PPP3CA: variants seen among roughly 807,000 people sequenced by gnomAD.
The protein encoded by PPP3CA is CAM-PRP catalytic subunit.
A neutral mutation model predicts 66.5 loss-of-function variants in PPP3CA; 14 were observed. The ratio of observed to expected loss-of-function variants is 0.21; its 90% CI spans 0.14 to 0.33. PPP3CA has a LOEUF of 0.33. Ranked by LOEUF, PPP3CA falls within the 10% of genes least tolerant of loss-of-function variation. PPP3CA has a pLI of 1.00. For synonymous variants in PPP3CA, 232 were observed against 226.2 expected (o/e 1.03, Z -0.23); for missense variants, 317 against 639.5 (o/e 0.50, Z 5.44).
chr4:101,097,729 T>C (rs1730261593), intron 5 of PPP3CA, among the ~76,000 whole-genome samples: 1 of 152,182 alleles, frequency 6.6e-6, no homozygotes, highest in South Asian at 2.1e-4. Flanking sequence ...TTACTAGATT[T>C]ACTCAAGAAA....
intron 2 of PPP3CA, among the ~76,000 whole-genome samples, chr4:101,156,807 A>T (rs972069741): frequency 7.2e-5 from 11 of 152,256 alleles, no homozygotes; most frequent in African/African-American, 2.4e-4. Context: ...GCCTGAAACC[A>T]GTTTCATGAA....
chr4:101,117,614 T>C (rs1235306413), intron 2 of PPP3CA, among the ~76,000 whole-genome samples: 1 of 151,812 alleles, frequency 6.6e-6, no homozygotes, highest in African/African-American at 2.4e-5. Flanking sequence ...CATAGCATTA[T>C]ATAAATTATA....
At chr4:101,027,716 TTTAA>T (rs1578384283) in intron 13 of PPP3CA, among the ~76,000 whole-genome samples, 2 of 151,972 alleles carry the variant, frequency 1.3e-5, no homozygotes, top group East Asian at 1.9e-4. Context: ...TATGAAATGA[TTTAA>T]TTAATTTAAA....
intron 2 of PPP3CA, among the ~76,000 whole-genome samples, chr4:101,168,875 T>C (rs1723780885): frequency 6.6e-6 from 1 of 152,176 alleles, no homozygotes; most frequent in East Asian, 1.9e-4. Flanking sequence ...TGTATCTGCT[T>C]ACACATATGA....
chr4:101,084,036 A>C (rs1460610563), intron 6 of PPP3CA, among the ~76,000 whole-genome samples: 3 of 152,230 alleles, frequency 2.0e-5, no homozygotes, highest in Non-Finnish European at 4.4e-5. Flanking sequence ...ATCATAAATT[A>C]AACCTGAAAA....
chr4:101,199,761 C>T (rs1169833221), intron 1 of PPP3CA, among the ~76,000 whole-genome samples: 1 of 152,142 alleles, frequency 6.6e-6, no homozygotes, highest in Non-Finnish European at 1.5e-5. Flanking sequence ...TTTCAAGGGT[C>T]AATGACATGA....
chr4:101,197,703 T>C (rs1374815748), intron 1 of PPP3CA, among the ~76,000 whole-genome samples: 1 of 152,204 alleles, frequency 6.6e-6, no homozygotes, highest in Non-Finnish European at 1.5e-5. Flanking sequence ...ACGATAAAAC[T>C]GTAAGATGAG....
chr4:101,296,989 A>G (rs1306272328), intron 1 of PPP3CA, among the ~76,000 whole-genome samples: 1 of 152,208 alleles, frequency 6.6e-6, no homozygotes, highest in East Asian at 1.9e-4. Context: ...GGTTTCTTTT[A>G]AAAAGTTTTA....
intron 10 of PPP3CA, among the ~76,000 whole-genome samples, chr4:101,046,034 A>G (rs1048344166): frequency 2.6e-5 from 4 of 152,304 alleles, no homozygotes; most frequent in African/African-American, 9.6e-5. Context: ...TGGGGAGAGA[A>G]GTCTCTATGT....
In PPP3CA at chr4:101,071,325, C is replaced by T. The variant is rs79906118; in HGVS notation, c.956-7968G>A. The stretch of plus-strand genomic sequence containing the variant: ...GCACTGAGTTAGTTTTAAGTTCCTA[C>T]ACTTCATATCAACATTGTTTTCCAT... On this transcript the variant is annotated intron_variant, in intron 8 of 13. Coordinates refer to ENST00000394854, the MANE Select transcript of PPP3CA (RefSeq NM_000944.5). Among the ~76,000 whole-genome samples the T allele has an allele frequency of 1.2e-3, 181 of 152,322 alleles. 3 individuals are homozygous for T. In the East Asian group the frequency reaches 0.015, roughly 13 times the overall value.
chr4:101,068,029 T>C (rs762114653), intron 8 of PPP3CA, among the ~76,000 whole-genome samples: 2 of 152,130 alleles, frequency 1.3e-5, no homozygotes, highest in Non-Finnish European at 2.9e-5. Context: ...CCACTAGTCC[T>C]GATTTTAAGA....
intron 2 of PPP3CA, among the ~76,000 whole-genome samples, chr4:101,178,993 T>G (rs1381024900): frequency 6.6e-6 from 1 of 152,158 alleles, no homozygotes; most frequent in Non-Finnish European, 1.5e-5. Flanking sequence ...TCAATGATTC[T>G]TATTTTGTCT....
chr4:101,207,097 G>C (rs1286640119), intron 1 of PPP3CA, among the ~76,000 whole-genome samples: 4 of 152,196 alleles, frequency 2.6e-5, no homozygotes, highest in Non-Finnish European at 5.9e-5. Context: ...CATCGCATAT[G>C]TGAATGCAGG....
chr4:101,044,575 A>C (rs9307251), intron 10 of PPP3CA, among the ~76,000 whole-genome samples: 1 of 152,250 alleles, frequency 6.6e-6, no homozygotes, highest in African/African-American at 2.4e-5. Context: ...TTCATATGTT[A>C]GAAAAAATAG....
intron 2 of PPP3CA, among the ~76,000 whole-genome samples, chr4:101,119,589 G>A (rs1721959017): frequency 1.3e-5 from 2 of 151,754 alleles, no homozygotes; most frequent in East Asian, 1.9e-4. Context: ...TTCTACATAG[G>A]GAAAAAAAGA....
chr4:101,117,246 T>C (rs1721865188), intron 2 of PPP3CA, among the ~76,000 whole-genome samples: 1 of 151,996 alleles, frequency 6.6e-6, no homozygotes, highest in South Asian at 2.1e-4. Flanking sequence ...ATTCATCCCC[T>C]AATTCTCAGT....
At chr4:101,197,142 C>T (rs1724821234) in intron 1 of PPP3CA, among the ~76,000 whole-genome samples, 2 of 152,188 alleles carry the variant, frequency 1.3e-5, no homozygotes, top group African/African-American at 4.8e-5. Context: ...ATGAAACAGA[C>T]ATACAGCATC....
chr4:101,264,434 C>T (rs1337523173), intron 1 of PPP3CA, among the ~76,000 whole-genome samples: 2 of 151,588 alleles, frequency 1.3e-5, no homozygotes, highest in Non-Finnish European at 2.9e-5. Flanking sequence ...AAAATCAGCA[C>T]CTTAAGACAG....
chr4:101,057,747 A>T (rs947176940), intron 10 of PPP3CA, among the ~76,000 whole-genome samples: 1 of 152,150 alleles, frequency 6.6e-6, no homozygotes, highest in African/African-American at 2.4e-5. Context: ...ATCATAACCT[A>T]TCGTGAATGC....
Sources: allele counts gnomAD v4.1 joint callset (sites outside exome capture counted in the v4.1 genomes callset), GRCh38; gene constraint gnomAD v4.1.1; transcripts MANE v1.5; gene names NCBI Gene and HGNC (gene_info 2026-07-23, HGNC 2026-07-21).